The following ECRG4 variants were observed in gnomAD, a reference collection of about 807,000 sequenced individuals.
The protein encoded by ECRG4 is ECRG4 augurin precursor, also known as augurin.
ECRG4 carries 18 observed loss-of-function variants against 15.8 expected under a neutral mutation model. The observed-to-expected ratio is 1.14, with a 90% CI of 0.79 to 1.69. The LOEUF is 1.69. Ranked by LOEUF, ECRG4 falls within the 40% of genes most tolerant of loss-of-function variation. The pLI, the probability that ECRG4 is intolerant of heterozygous loss-of-function variation, is 0.00. For missense variants in ECRG4, 200 were observed against 190.9 expected (o/e 1.05, Z -0.28); for synonymous variants, 82 against 73.9 (o/e 1.11, Z -0.56).
chr2:106,078,043 C>A lies in ECRG4; in HGVS notation c.*117C>A. 1 of 948,718 alleles carries A rather than the reference C, an allele frequency of 1.1e-6. No individual in the cohort carries two copies. Among genetic ancestry groups the A allele is most frequent in the Non-Finnish European group, 1.5e-6 (1 of 679,456 alleles). The allele number at this position is 948,718 out of a possible 1,614,324, so 58.8% of individuals were successfully genotyped here. A position where few individuals can be genotyped will look rare whatever the true frequency, so the allele number is the denominator to read the frequency against. On this transcript the variant is annotated 3_prime_UTR_variant, in exon 4 of 4. Transcript: ENST00000238044. ...TATTTCAGCAGATCTTTTCTACCTA[C>A]TTTGTGTGATCAAAAAAGAAGAGTT... is the stretch of plus-strand genomic sequence containing the variant.
chr2:106,065,291 G>A (rs1676183470), upstream of ECRG4, among the ~76,000 whole-genome samples: 1 of 151,626 alleles, frequency 6.6e-6, no homozygotes, highest in Non-Finnish European at 1.5e-5. Context: ...GCGCGGCTGG[G>A]GCGGGCGGAG....
At chr2:106,063,688 T>G (rs1477287599), upstream of ECRG4, among the ~76,000 whole-genome samples, 1 of 152,190 alleles carries the variant, frequency 6.6e-6, no homozygotes, top group African/African-American at 2.4e-5. Flanking sequence ...ATTCAAGTGA[T>G]TCTCCTGCCT....
intron 2 of ECRG4, chr2:106,072,228 T>C (rs573676947): frequency 3.9e-5 from 8 of 203,702 alleles, no homozygotes; most frequent in Non-Finnish European, 7.9e-5. Flanking sequence ...AATCCTCAGT[T>C]GGTGGGGCAG....
intron 3 of ECRG4, 75 bp from the exon 4 acceptor site, chr2:106,077,690 C>G (rs2104800882): frequency 7.5e-7 from 1 of 1,328,258 alleles, no homozygotes; most frequent in Non-Finnish European, 1.0e-6. Context: ...GAAGAAAAGC[C>G]ATAGGTAAGA....
rs1267326216 is a variant in ECRG4 at position 106,067,073 on chromosome 2, G to T, written c.79+1230G>T. On this transcript the variant is annotated intron_variant, in intron 1 of 3. Coordinates refer to ENST00000238044, the MANE Select transcript of ECRG4 (RefSeq NM_032411.3). ...CTTTGGGAGGCCGGGGGGGGGGGGG[G>T]GGCAGATCACCTGAGGTCGGGGGTT... Among the ~76,000 whole-genome samples the T allele has an allele frequency of 2.1e-4, 20 of 94,670 alleles. 1 individual carries two copies. Among genetic ancestry groups the T allele is most frequent in the African/African-American group, 7.6e-5 (2 of 26,174 alleles). The allele number at this position is 94,670 out of a possible 152,430, so 62.1% of individuals were successfully genotyped here. A position where few individuals can be genotyped will look rare whatever the true frequency, so the allele number is the denominator to read the frequency against.
intron 2 of ECRG4, 163 bp downstream of exon 2, chr2:106,072,054 G>T: frequency 3.5e-6 from 2 of 563,508 alleles, no homozygotes; most frequent in South Asian, 2.7e-5. Flanking sequence ...TATGTGGTGT[G>T]GTATCTTATT....
chr2:106,075,594 C>T (rs114546215), intron 3 of ECRG4, among the ~76,000 whole-genome samples: 2,795 of 152,238 alleles, frequency 0.018, 54 homozygotes, highest in East Asian at 0.081. Flanking sequence ...GTGTGGCTCA[C>T]GCCTGTAGTC....
chr2:106,071,322 T>TAAAAAAAAAAAAAAAAAAAAAAAAAAAAA (rs10649647), intron 1 of ECRG4, among the ~76,000 whole-genome samples: 49 of 78,328 alleles, frequency 6.3e-4, no homozygotes, highest in East Asian at 7.7e-4. Flanking sequence ...GGTAAGGCTG[T>TAAAAAAAAAAAAAAAAAAAAAAAAAAAAA]AAAAAAAAAA....
rs574199297 is a variant in ECRG4, at chr2:106,073,828, G to T, written c.128-58G>T. 42 of 1,594,660 alleles carry T rather than the reference G, an allele frequency of 2.6e-5. No homozygotes were observed. The African/African-American group carries it at 5.0e-4, about 19-fold the overall frequency. Reference sequence around the variant, plus strand: ...ATGGGATGTATAACAGGGATTCACCGCAAGTGAGGAAGGAAGTCATTCTTT... The same window carrying T: ...ATGGGATGTATAACAGGGATTCACCTCAAGTGAGGAAGGAAGTCATTCTTT... On this transcript the variant is annotated intron_variant, in intron 2 of 3. Coordinates refer to ENST00000238044, the MANE Select transcript of ECRG4 (RefSeq NM_032411.3).
At chr2:106,073,146 G>A (rs1220210685) in intron 2 of ECRG4, among the ~76,000 whole-genome samples, 2 of 152,250 alleles carry the variant, frequency 1.3e-5, no homozygotes, top group Non-Finnish European at 2.9e-5. Flanking sequence ...CGGGGACAGA[G>A]GCTGAAAACG....
chr2:106,071,278 C>T (rs1312725563), intron 1 of ECRG4, among the ~76,000 whole-genome samples: 1 of 123,926 alleles, frequency 8.1e-6, no homozygotes, highest in Non-Finnish European at 1.6e-5. Flanking sequence ...ATCTAAATCC[C>T]GTATGATAAC....
chr2:106,074,248 C>T (rs1388952403), intron 3 of ECRG4: 5 of 590,642 alleles, frequency 8.5e-6, no homozygotes, highest in Non-Finnish European at 1.2e-5. Context: ...CACCAGGGTA[C>T]ATTCAGGAGG....
At position 106,078,054 on chromosome 2, in the gene ECRG4, C is replaced by T; in HGVS notation, c.*128C>T. On this transcript the variant is annotated 3_prime_UTR_variant, in exon 4 of 4. Coordinates refer to ENST00000238044, the MANE Select transcript of ECRG4 (RefSeq NM_032411.3). ...ATCTTTTCTACCTACTTTGTGTGAT[C>T]AAAAAAGAAGAGTTAAAACAACACA... The T allele has an allele frequency of 1.2e-6, 1 of 848,498 alleles. No homozygotes were observed. The highest frequency in any genetic ancestry group is 1.7e-6 in the Non-Finnish European group (1 of 596,044). The allele number at this position is 848,498 out of a possible 1,614,324, so 52.6% of individuals were successfully genotyped here.
intron 1 of ECRG4, among the ~76,000 whole-genome samples, chr2:106,067,131 G>A (rs375472332): frequency 8.0e-6 from 1 of 124,960 alleles, no homozygotes; most frequent in Non-Finnish European, 1.6e-5. Flanking sequence ...GAGAAACCCC[G>A]TCTCTACTAA....
intron 3 of ECRG4, 120 bp downstream of exon 3, chr2:106,074,163 GC>G: frequency 2.6e-6 from 3 of 1,176,296 alleles, no homozygotes; most frequent in Non-Finnish European, 3.6e-6. Flanking sequence ...TAGAGTAAGA[GC>G]CCCATCATAT....
intron 1 of ECRG4, among the ~76,000 whole-genome samples, chr2:106,068,144 C>T (rs1676265872): frequency 6.6e-6 from 1 of 152,114 alleles, no homozygotes; most frequent in Non-Finnish European, 1.5e-5. Flanking sequence ...CACGCCCTTC[C>T]TCACTCACAA....
At position 106,078,019 on chromosome 2, in the gene ECRG4, A is replaced by G; in HGVS notation, c.*93A>G. The stretch of plus-strand genomic sequence containing the variant: ...CACTACTTGGTTTCTGATTTGCTCT[A>G]TTTCAGCAGATCTTTTCTACCTACT... On this transcript the variant is annotated 3_prime_UTR_variant, in exon 4 of 4. Coordinates refer to ENST00000238044, the MANE Select transcript of ECRG4 (RefSeq NM_032411.3). 8.2e-7 allele frequency: 1 copy of G among 1,215,546 alleles called. No individual in the cohort carries two copies. The highest frequency in any genetic ancestry group is 1.8e-5 in the South Asian group (1 of 54,492). 75.3% of individuals were successfully genotyped at this position (1,215,546 alleles called of 1,614,324 possible).
chr2:106,070,893 A>C, intron 1 of ECRG4: 1 of 471,036 alleles, frequency 2.1e-6, no homozygotes, highest in Non-Finnish European at 4.4e-6. Context: ...TTACACCCGA[A>C]GTTGCTCTAC....
upstream of ECRG4, among the ~76,000 whole-genome samples, chr2:106,063,720 C>T (rs190022657): frequency 6.6e-6 from 1 of 152,144 alleles, no homozygotes; most frequent in Non-Finnish European, 1.5e-5. Context: ...GTAGCTGGAA[C>T]TACAGGCACG....
Sources: gnomAD v4.1 joint callset for allele counts (sites outside exome capture counted in the v4.1 genomes callset) on GRCh38, gnomAD v4.1.1 for gene constraint, MANE v1.5 for transcripts, NCBI Gene and HGNC (gene_info 2026-07-23, HGNC 2026-07-21) for gene names.